Variants in TMLHE observed in about 807,000 individuals in gnomAD.
TMLHE encodes trimethyllysine hydroxylase, epsilon.
TMLHE carries 18 observed loss-of-function variants against 25.7 expected under a neutral mutation model. That is an observed-to-expected ratio of 0.70 (90% CI 0.48 to 1.04). The LOEUF (loss-of-function observed/expected upper bound fraction) is 1.04. Among genes scored for constraint, TMLHE ranks in the 50% least tolerant of loss-of-function variants. The pLI, the probability that TMLHE is intolerant of heterozygous loss-of-function variation, is 0.00. For synonymous variants in TMLHE, 105 were observed against 97.0 expected, an observed-to-expected ratio of 1.08 and a Z score of -0.49; for missense variants, 236 against 259.0, an observed-to-expected ratio of 0.91 and a Z score of 0.61.
At chrX:155,568,668 G>A (rs782274324) in intron 1 of TMLHE, among the ~76,000 whole-genome samples, 613 of 52,160 alleles carry the variant, frequency 0.012, 13 homozygotes, top group Non-Finnish European at 0.022. Flanking sequence ...AGCAGCATTC[G>A]CGGTTCATGA....
chrX:155,590,522 A>G (rs2029996817), intron 1 of TMLHE, among the ~76,000 whole-genome samples: 2 of 111,793 alleles, frequency 1.8e-5, no homozygotes, highest in Admixed American at 9.5e-5. Flanking sequence ...TATATCACAT[A>G]TAGACATAAT....
chrX:155,504,689 C>T (rs1242924739), intron 6 of TMLHE, among the ~76,000 whole-genome samples: 2 of 111,103 alleles, frequency 1.8e-5, no homozygotes, highest in Non-Finnish European at 1.9e-5. Flanking sequence ...AGGTATTTAC[C>T]TTAGTGAAAT....
intron 2 of TMLHE, among the ~76,000 whole-genome samples, chrX:155,534,940 G>A (rs991597340): frequency 9.0e-6 from 1 of 111,561 alleles, no homozygotes; most frequent in Admixed American, 9.5e-5. Context: ...CCTCATGATG[G>A]TATTAGTGCT....
chrX:155,507,046 G>A lies in TMLHE; in HGVS notation c.847C>T (p.Gln283Ter). 8.3e-7 allele frequency: 1 copy of A among 1,209,746 alleles called. No homozygotes were observed. Among genetic ancestry groups the A allele is most frequent in the Non-Finnish European group, 1.1e-6 (1 of 894,148 alleles). ...DGFYAAEQVL[Q>*]KAPEEFELLS... is the part of the protein sequence containing the mutation. ...AGTTCAAATTCCTCAGGTGCCTTTT[G>A]AAGTACCTGTTCTGCTGCATAGAAT... The change falls in exon 6 of 8, where the codon CAA becomes TAA. Residue 283 changes from glutamine (Q) to a stop codon, truncating the protein, a stop_gained. Transcript: ENST00000334398. LOFTEE classifies it high-confidence loss of function.
intron 1 of TMLHE, among the ~76,000 whole-genome samples, chrX:155,595,544 T>C (rs1013304381): frequency 8.9e-6 from 1 of 112,092 alleles, no homozygotes; most frequent in African/African-American, 3.2e-5. Context: ...TGTATGTAGA[T>C]TGAGGTCTGC....
chrX:155,516,050 G>A (rs1251985289), intron 3 of TMLHE, among the ~76,000 whole-genome samples: 3 of 59,020 alleles, frequency 5.1e-5, no homozygotes, highest in Non-Finnish European at 6.5e-5. Context: ...AAGTTTTAGG[G>A]TACATGTGCA....
intron 2 of TMLHE, among the ~76,000 whole-genome samples, chrX:155,540,429 A>G (rs1186470597): frequency 9.0e-6 from 1 of 110,869 alleles, no homozygotes; most frequent in Non-Finnish European, 1.9e-5. Flanking sequence ...CAAGAACATT[A>G]TATTTTGTAA....
At chrX:155,558,093 T>C (rs1245330545) in intron 1 of TMLHE, among the ~76,000 whole-genome samples, 2 of 111,908 alleles carry the variant, frequency 1.8e-5, no homozygotes, top group African/African-American at 3.2e-5. Context: ...TAAAATCCAA[T>C]GTCCTTAATG....
intron 2 of TMLHE, among the ~76,000 whole-genome samples, chrX:155,525,875 CAA>C (rs781787694): frequency 8.9e-6 from 1 of 112,343 alleles, no homozygotes; most frequent in Admixed American, 9.4e-5. Context: ...GTCTAAGTAG[CAA>C]AGTGTTCAAG....
intron 1 of TMLHE, among the ~76,000 whole-genome samples, chrX:155,548,085 A>C (rs1234730642): frequency 8.9e-6 from 1 of 111,913 alleles, no homozygotes; most frequent in African/African-American, 3.2e-5. Flanking sequence ...CCATATACAA[A>C]AAATACAATC....
chrX:155,530,177 C>T (rs1187417092), intron 2 of TMLHE, among the ~76,000 whole-genome samples: 2 of 111,803 alleles, frequency 1.8e-5, no homozygotes, highest in African/African-American at 6.5e-5. Flanking sequence ...ACCTAAATGT[C>T]TGTTGATGGA....
chrX:155,572,376 G>T lies in TMLHE; in HGVS notation c.-1-27099C>A, dbSNP rs1288552136. ...GAAGAACATTCCGTGCTCATGGGTAGGAAGAATCAATATCGTGAAAATGGC... is the reference window on the plus strand; with the variant it reads ...GAAGAACATTCCGTGCTCATGGGTATGAAGAATCAATATCGTGAAAATGGC... On this transcript the variant is annotated intron_variant, in intron 1 of 7. Coordinates refer to ENST00000334398, the MANE Select transcript of TMLHE (RefSeq NM_018196.4). 5.4e-5 allele frequency among the ~76,000 whole-genome samples: 3 copies of T among 55,408 alleles called. 1 individual carries two copies. Among genetic ancestry groups the T allele is most frequent in the African/African-American group, 1.3e-4 (3 of 22,970 alleles). The allele number at this position is 55,408 out of a possible 115,157, so 48.1% of individuals were successfully genotyped here.
intron 1 of TMLHE, among the ~76,000 whole-genome samples, chrX:155,556,234 CA>C (rs781872700): frequency 7.3e-5 from 8 of 109,261 alleles, no homozygotes; most frequent in African/African-American, 2.7e-4. Context: ...TGAATTCAGC[CA>C]ACCAGAAAGG....
chrX:155,510,434 G>A (rs2067101440), intron 5 of TMLHE, among the ~76,000 whole-genome samples: 1 of 79,370 alleles, frequency 1.3e-5, no homozygotes, highest in Admixed American at 1.9e-4. Context: ...AGAGTGTGAT[G>A]TTCCCCTTCC....
chrX:155,522,980 A>T (rs782603094), intron 3 of TMLHE, among the ~76,000 whole-genome samples: 1 of 110,617 alleles, frequency 9.0e-6, no homozygotes, highest in South Asian at 3.8e-4. Context: ...GCAATGTATG[A>T]GTGATAGAAT....
intron 1 of TMLHE, among the ~76,000 whole-genome samples, chrX:155,599,102 A>C (rs1557346930): frequency 1.8e-5 from 2 of 111,702 alleles, no homozygotes; most frequent in Non-Finnish European, 3.8e-5. Flanking sequence ...TTGACTGTTT[A>C]TGTTATCAGT....
At chrX:155,575,495 A>G (rs2067584278) in intron 1 of TMLHE, among the ~76,000 whole-genome samples, 1 of 112,072 alleles carries the variant, frequency 8.9e-6, no homozygotes, top group Non-Finnish European at 1.9e-5. Flanking sequence ...TAATCTACAC[A>G]TCCAAGGATC....
At chrX:155,531,815 G>A (rs2124384682) in intron 2 of TMLHE, among the ~76,000 whole-genome samples, 1 of 111,329 alleles carries the variant, frequency 9.0e-6, no homozygotes. Flanking sequence ...TTTTGTCATA[G>A]GGACAGGTGT....
At chrX:155,507,827 G>A (rs1307940696) in intron 5 of TMLHE, among the ~76,000 whole-genome samples, 1 of 111,215 alleles carries the variant, frequency 9.0e-6, no homozygotes, top group Non-Finnish European at 1.9e-5. Context: ...ACATGGACTG[G>A]TGAGAAGCAA....
Sources: gnomAD v4.1 joint callset for allele counts (sites outside exome capture counted in the v4.1 genomes callset) on GRCh38, gnomAD v4.1.1 for gene constraint, MANE v1.5 for transcripts, NCBI Gene and HGNC (gene_info 2026-07-23, HGNC 2026-07-21) for gene names.